The following RSL1D1 variants were observed in gnomAD, a reference collection of about 807,000 sequenced individuals.
RSL1D1 encodes ribosomal L1 domain-containing protein 1.
In RSL1D1, 34 loss-of-function variants were observed where a neutral mutation model predicts 44.6. The observed-to-expected ratio is 0.76, with a 90% CI of 0.58 to 1.02. The LOEUF is 1.02. Ranked by LOEUF, RSL1D1 falls within the 50% of genes least tolerant of loss-of-function variation. RSL1D1 has a pLI of 0.00. For synonymous variants in RSL1D1, 271 were observed against 207.4 expected, an observed-to-expected ratio of 1.31 and a Z score of -2.63; for missense variants, 767 against 568.1, an observed-to-expected ratio of 1.35 and a Z score of -3.56.
rs754350771 is a variant in RSL1D1, at chr16:11,841,981, C to T, written c.655G>A (p.Val219Ile). The change falls in exon 6 of 9, where the codon GTT becomes ATT. Residue 219 changes from valine (V) to isoleucine (I), a missense_variant. Val to Ile is a conservative substitution (Grantham distance 29). Transcript: ENST00000571133. ...ATGATGTGCTCAATTTGCATTCCAA[C>T]GTGACCAATACGTATAGCACTGAAA... is the stretch of plus-strand genomic sequence containing the variant. Reference protein sequence around the residue: ...GSCSAIRIGHVGMQIEHIIEN... With the variant: ...GSCSAIRIGHIGMQIEHIIEN... 1.7e-5 allele frequency: 28 copies of T among 1,613,312 alleles called. No homozygotes were observed. The Admixed American group carries it at 2.8e-4, about 16-fold the overall frequency.
intron 1 of RSL1D1, 37 bp downstream of exon 1, chr16:11,851,371 C>T: frequency 6.3e-7 from 1 of 1,595,922 alleles, no homozygotes; most frequent in Non-Finnish European, 8.6e-7. Flanking sequence ...GTAACCGCCA[C>T]ACTGCTTCCA....
intron 1 of RSL1D1, 106 bp downstream of exon 1, chr16:11,851,302 C>G: frequency 9.3e-7 from 1 of 1,077,018 alleles, no homozygotes; most frequent in South Asian, 1.3e-5. Flanking sequence ...GACCGTCCCA[C>G]AGCCCCGGGG....
intron 7 of RSL1D1, chr16:11,841,353 A>G (rs970100883): frequency 5.3e-6 from 1 of 189,976 alleles, no homozygotes; most frequent in African/African-American, 2.4e-5. Context: ...GGCTGCCGTG[A>G]GCCTTGATCA....
At chr16:11,843,726 C>G (rs1191458186) in intron 5 of RSL1D1, among the ~76,000 whole-genome samples, 1 of 151,706 alleles carries the variant, frequency 6.6e-6, no homozygotes, top group Non-Finnish European at 1.5e-5. Flanking sequence ...AAAAAATTAG[C>G]TGGGCATTGT....
chr16:11,844,832 C>T (rs1483199092), intron 5 of RSL1D1, among the ~76,000 whole-genome samples: 1 of 152,180 alleles, frequency 6.6e-6, no homozygotes, highest in Non-Finnish European at 1.5e-5. Flanking sequence ...ATTTTCAATA[C>T]ATTTAAAACC....
rs1246911766 is a variant in RSL1D1 at position 11,841,681 on chromosome 16, A to C, written c.855+14T>G. On this transcript the variant is annotated intron_variant, in intron 7 of 8. Transcript: ENST00000571133. The stretch of plus-strand genomic sequence containing the variant: ...TTCATTATTCATTCTGTAAGTATTT[A>C]AAATTCTACTAACTTTTTTCTTCTT... The C allele has an allele frequency of 1.1e-5, 18 of 1,605,828 alleles. No individual in the cohort carries two copies. The highest frequency in any genetic ancestry group is 1.4e-5 in the Non-Finnish European group (17 of 1,175,436).
Position 11,837,669 on chromosome 16 carries a change from A to G in RSL1D1, c.*118T>C. 1 of 1,010,450 alleles carries G rather than the reference A, an allele frequency of 9.9e-7. No individual in the cohort carries two copies. Among genetic ancestry groups the G allele is most frequent in the Non-Finnish European group, 1.5e-6 (1 of 677,806 alleles). 62.6% of individuals were successfully genotyped at this position (1,010,450 alleles called of 1,614,324 possible). On this transcript the variant is annotated 3_prime_UTR_variant, in exon 9 of 9. Transcript: ENST00000571133. Reference sequence around the variant, plus strand: ...CTGGACTACTTATGGAGGTTTTAAAAAATCTTTTAAGTCCAGGCCTGACGT... The same window carrying G: ...CTGGACTACTTATGGAGGTTTTAAAGAATCTTTTAAGTCCAGGCCTGACGT...
intron 4 of RSL1D1, 30 bp from the exon 5 acceptor site, chr16:11,846,632 C>A (rs927295933): frequency 6.2e-7 from 1 of 1,606,168 alleles, no homozygotes; most frequent in Non-Finnish European, 8.5e-7. Context: ...GCATTCAGAA[C>A]ACAATGCATA....
chr16:11,850,220 C>T lies in RSL1D1; in HGVS notation c.245+59G>A, dbSNP rs539733625. 1.5e-4 allele frequency: 223 copies of T among 1,467,490 alleles called. 1 individual carries two copies. In the South Asian group the frequency reaches 2.8e-3, roughly 19 times the overall value. The allele number at this position is 1,467,490 out of a possible 1,614,324, so 90.9% of individuals were successfully genotyped here. Reference sequence around the variant, plus strand: ...CATTAGTAACCATGATGCAATTGTTCGAGTTACAAAGAATAAACACACAGA... The same window carrying T: ...CATTAGTAACCATGATGCAATTGTTTGAGTTACAAAGAATAAACACACAGA... On this transcript the variant is annotated intron_variant, in intron 2 of 8. Coordinates refer to ENST00000571133, the MANE Select transcript of RSL1D1 (RefSeq NM_015659.3).
chr16:11,845,979 T>G (rs1211431872), intron 5 of RSL1D1, among the ~76,000 whole-genome samples: 3 of 151,970 alleles, frequency 2.0e-5, no homozygotes, highest in Non-Finnish European at 4.4e-5. Flanking sequence ...GCGATCCTCC[T>G]GCCTAGGCCT....
Position 11,850,335 on chromosome 16 carries a change from A to G in RSL1D1, c.189T>C (p.Ser63=), listed in dbSNP as rs750668593. 2 of 1,598,712 alleles carry G rather than the reference A, an allele frequency of 1.3e-6. No homozygotes were observed. Among genetic ancestry groups the G allele is most frequent in the South Asian group, 1.1e-5 (1 of 86,996 alleles). The change falls in exon 2 of 9, where the codon AGT becomes AGC. Residue 63 remains serine, a synonymous_variant. Transcript: ENST00000571133. Reference sequence around the variant, plus strand: ...TCCATAATACCACCATTAAAAATAAACTTTCATTCTCATTCAAAAGCAACC... The same window carrying G: ...TCCATAATACCACCATTAAAAATAAGCTTTCATTCTCATTCAAAAGCAACC... The part of the protein sequence containing the change: ...NYGLLLNENE[S]LFLMVVLWKI...
At chr16:11,845,141 G>C (rs1273836081) in intron 5 of RSL1D1, among the ~76,000 whole-genome samples, 1 of 152,174 alleles carries the variant, frequency 6.6e-6, no homozygotes, top group Non-Finnish European at 1.5e-5. Context: ...ACGTTAAGGG[G>C]TAATATGGTG....
chr16:11,838,683 C>G (rs2141250185), intron 8 of RSL1D1, among the ~76,000 whole-genome samples: 1 of 150,734 alleles, frequency 6.6e-6, no homozygotes, highest in African/African-American at 2.4e-5. Flanking sequence ...ATGGCAAAAC[C>G]CCATCTCTAC....
In RSL1D1 at chr16:11,834,612, C is replaced by G. The variant is rs1596434547; in HGVS notation, c.*3175G>C. 4 of 152,166 alleles carry G rather than the reference C, an allele frequency of 2.6e-5. No homozygotes were observed. The South Asian group carries it at 8.3e-4, about 32-fold the overall frequency. 9.4% of individuals were successfully genotyped at this position (152,166 alleles called of 1,614,324 possible). Reference sequence around the variant, plus strand: ...ATTACATATGTGGGTTTGTCCTACACAAACCAGACCTTTAAGTGAAACAAG... The same window carrying G: ...ATTACATATGTGGGTTTGTCCTACAGAAACCAGACCTTTAAGTGAAACAAG... On this transcript the variant is annotated 3_prime_UTR_variant, in exon 9 of 9. Transcript: ENST00000571133.
At chr16:11,842,673 CTA>C (rs2053770821) in intron 5 of RSL1D1, among the ~76,000 whole-genome samples, 1 of 151,860 alleles carries the variant, frequency 6.6e-6, no homozygotes, top group Non-Finnish European at 1.5e-5. Flanking sequence ...CACACCCAGC[CTA>C]AATATGTTTT....
At chr16:11,845,794 T>A (rs2053793489) in intron 5 of RSL1D1, among the ~76,000 whole-genome samples, 1 of 151,896 alleles carries the variant, frequency 6.6e-6, no homozygotes, top group African/African-American at 2.4e-5. Flanking sequence ...AGAACATGGC[T>A]CACTGCAGTC....
chr16:11,848,067 C>G (rs1442598676), intron 2 of RSL1D1, among the ~76,000 whole-genome samples: 1 of 152,074 alleles, frequency 6.6e-6, no homozygotes, highest in African/African-American at 2.4e-5. Context: ...GCCTGGCCAA[C>G]ATGGTGAAAC....
Position 11,837,886 on chromosome 16 carries a change from T to C in RSL1D1, c.1374A>G (p.Pro458=), listed in dbSNP as rs2053733273. ...TAGGAGTGGTGAAAAACTTGGCCTC[T>C]GGCTTTTTTGGAGTCTGTCTCGCAT... ...KKDARQTPKK[P]EAKFFTTPSK... The change falls in exon 9 of 9, where the codon CCA becomes CCG. Residue 458 remains proline (P), a synonymous_variant. Coordinates refer to ENST00000571133, the MANE Select transcript of RSL1D1 (RefSeq NM_015659.3). 6.2e-7 allele frequency: 1 copy of C among 1,614,136 alleles called. No homozygotes were observed. The highest frequency in any genetic ancestry group is 8.5e-7 in the Non-Finnish European group (1 of 1,180,020).
Position 11,839,942 on chromosome 16 carries a change from TTTTG to T in RSL1D1, c.895_898del (p.Gln299ArgfsTer31). ...CTGCTGCCTCTTCTTCTTCCTCTCC[TTTTG>T]TTTTTCAAAATTTCTTTCTCTTCGT... On this transcript the variant is annotated frameshift_variant, in exon 8 of 9. Transcript: ENST00000571133. LOFTEE classifies it high-confidence loss of function. 1.2e-6 allele frequency: 2 copies of T among 1,612,288 alleles called. No individual in the cohort carries two copies. The highest frequency in any genetic ancestry group is 1.7e-6 in the Non-Finnish European group (2 of 1,179,574).
Sources: gnomAD v4.1 joint callset for allele counts (sites outside exome capture counted in the v4.1 genomes callset) on GRCh38, gnomAD v4.1.1 for gene constraint, MANE v1.5 for transcripts, NCBI Gene and HGNC (gene_info 2026-07-23, HGNC 2026-07-21) for gene names.